The following TAFA1 variants were observed in gnomAD, a reference collection of about 807,000 sequenced individuals.
The protein encoded by TAFA1 is TAFA chemokine like family member 1, also known as chemokine-like protein TAFA-1.
In TAFA1, 4 loss-of-function variants were observed where a neutral mutation model predicts 18.5. The ratio of observed to expected loss-of-function variants is 0.22; its 90% CI spans 0.11 to 0.49. TAFA1 has a LOEUF of 0.49. Among genes scored for constraint, TAFA1 ranks in the 20% least tolerant of loss-of-function variants. The probability of loss-of-function intolerance (pLI) is 0.98; values close to 1 mark genes in which losing one functional copy is unlikely to be tolerated. For synonymous variants in TAFA1, 56 were observed against 55.2 expected, an observed-to-expected ratio of 1.01 and a Z score of -0.06; for missense variants, 147 against 169.0, an observed-to-expected ratio of 0.87 and a Z score of 0.72.
chr3:68,461,951 T>A (rs1559679646), intron 3 of TAFA1, among the ~76,000 whole-genome samples: 4 of 151,920 alleles, frequency 2.6e-5, no homozygotes. Flanking sequence ...TTAGGAAAAG[T>A]GGGGGGAAAA....
intron 2 of TAFA1, among the ~76,000 whole-genome samples, chr3:68,359,437 G>A (rs2069430643): frequency 1.3e-5 from 2 of 151,966 alleles, no homozygotes; most frequent in South Asian, 2.1e-4. Flanking sequence ...GAATTATCTA[G>A]CTTGGCCTAA....
At chr3:68,223,049 A>T (rs1005226068) in intron 2 of TAFA1, among the ~76,000 whole-genome samples, 3 of 152,148 alleles carry the variant, frequency 2.0e-5, no homozygotes, top group African/African-American at 7.2e-5. Context: ...CACAAATATG[A>T]CAATGCTTTG....
At chr3:68,163,003 T>G (rs899955945) in intron 2 of TAFA1, among the ~76,000 whole-genome samples, 2 of 152,224 alleles carry the variant, frequency 1.3e-5, no homozygotes, top group African/African-American at 4.8e-5. Context: ...TAAAACCACT[T>G]TTAAATTCAT....
At chr3:68,446,441 A>G (rs2071475165) in intron 3 of TAFA1, among the ~76,000 whole-genome samples, 1 of 152,150 alleles carries the variant, frequency 6.6e-6, no homozygotes, top group Non-Finnish European at 1.5e-5. Flanking sequence ...CCTCCCTTCT[A>G]TCTGAGCCTC....
intron 3 of TAFA1, among the ~76,000 whole-genome samples, chr3:68,523,376 C>T (rs2073057419): frequency 6.6e-6 from 1 of 152,166 alleles, no homozygotes; most frequent in Non-Finnish European, 1.5e-5. Flanking sequence ...AAAAAAGAAT[C>T]CACACTTCAG....
intron 2 of TAFA1, among the ~76,000 whole-genome samples, chr3:68,349,704 T>C (rs908815067): frequency 1.3e-5 from 2 of 152,056 alleles, no homozygotes; most frequent in African/African-American, 4.8e-5. Flanking sequence ...ATAAGCAATA[T>C]GCAAATGAAT....
At chr3:68,288,544 G>A (rs1379807664) in intron 2 of TAFA1, among the ~76,000 whole-genome samples, 3 of 152,016 alleles carry the variant, frequency 2.0e-5, no homozygotes, top group South Asian at 2.1e-4. Context: ...TTCTTACCTC[G>A]CCCACATTTT....
chr3:68,174,850 G>T (rs2066103777), intron 2 of TAFA1, among the ~76,000 whole-genome samples: 1 of 152,212 alleles, frequency 6.6e-6, no homozygotes, highest in Non-Finnish European at 1.5e-5. Context: ...AATCTCCCCA[G>T]GGTATGTCAG....
intron 2 of TAFA1, among the ~76,000 whole-genome samples, chr3:68,016,707 C>T (rs920444729): frequency 6.6e-6 from 1 of 152,118 alleles, no homozygotes. Context: ...CGATACATGA[C>T]TGTATTTGTA....
At chr3:68,188,534 GA>G in intron 2 of TAFA1, among the ~76,000 whole-genome samples, 1 of 149,284 alleles carries the variant, frequency 6.7e-6, no homozygotes, top group East Asian at 2.0e-4. Context: ...GAGAGAGAGA[GA>G]GAGAGAGTAC....
At chr3:68,328,339 T>C (rs942498331) in intron 2 of TAFA1, among the ~76,000 whole-genome samples, 2 of 152,230 alleles carry the variant, frequency 1.3e-5, no homozygotes, top group Non-Finnish European at 2.9e-5. Flanking sequence ...GCTATTTTTA[T>C]TGAACACAGC....
intron 3 of TAFA1, among the ~76,000 whole-genome samples, chr3:68,470,122 T>G (rs1290210951): frequency 1.3e-5 from 2 of 152,166 alleles, no homozygotes; most frequent in African/African-American, 4.8e-5. Flanking sequence ...TCTCACAAAA[T>G]ATGATGGTTT....
intron 3 of TAFA1, among the ~76,000 whole-genome samples, chr3:68,469,373 T>C (rs1260321460): frequency 6.6e-6 from 1 of 152,086 alleles, no homozygotes; most frequent in African/African-American, 2.4e-5. Flanking sequence ...TCTTATTTTC[T>C]CTTTTGAAAA....
intron 2 of TAFA1, among the ~76,000 whole-genome samples, chr3:68,156,175 A>G (rs1288502083): frequency 6.6e-6 from 1 of 152,172 alleles, no homozygotes; most frequent in Non-Finnish European, 1.5e-5. Context: ...CTGCAGCAGA[A>G]TCAGGGAAGA....
chr3:68,281,598 T>C (rs1237239237), intron 2 of TAFA1, among the ~76,000 whole-genome samples: 1 of 151,358 alleles, frequency 6.6e-6, no homozygotes, highest in Non-Finnish European at 1.5e-5. Flanking sequence ...GCCTCCTGAG[T>C]AGTCGGGACT....
At chr3:68,343,930 G>C (rs1345138391) in intron 2 of TAFA1, among the ~76,000 whole-genome samples, 1 of 152,112 alleles carries the variant, frequency 6.6e-6, no homozygotes, top group Non-Finnish European at 1.5e-5. Context: ...CGCAACCTCT[G>C]CCTCCTGGGT....
At chr3:68,413,207 C>T (rs2070748479) in intron 2 of TAFA1, among the ~76,000 whole-genome samples, 1 of 152,058 alleles carries the variant, frequency 6.6e-6, no homozygotes, top group Non-Finnish European at 1.5e-5. Flanking sequence ...ATCCTTTGCC[C>T]ACTTTTTGAT....
At chr3:68,013,509 A>T (rs370758187) in intron 2 of TAFA1, among the ~76,000 whole-genome samples, 1 of 152,128 alleles carries the variant, frequency 6.6e-6, no homozygotes, top group African/African-American at 2.4e-5. Flanking sequence ...TTTCTCCTCT[A>T]TAAGTTTAGA....
chr3:68,127,752 G>A (rs1188216982), intron 2 of TAFA1, among the ~76,000 whole-genome samples: 1 of 116,342 alleles, frequency 8.6e-6, no homozygotes, highest in Admixed American at 8.4e-5. Context: ...TGATGGTAGC[G>A]GTGGTGATGC....
Sources: allele counts gnomAD v4.1 joint callset (sites outside exome capture counted in the v4.1 genomes callset), GRCh38; gene constraint gnomAD v4.1.1; transcripts MANE v1.5; gene names NCBI Gene and HGNC (gene_info 2026-07-23, HGNC 2026-07-21).